The following NECTIN2 variants were observed in gnomAD, a reference collection of about 807,000 sequenced individuals.
NECTIN2 encodes the protein nectin-2.
NECTIN2 carries 23 observed loss-of-function variants against 56.9 expected under a neutral mutation model. That is an observed-to-expected ratio of 0.40 (90% CI 0.29 to 0.57). NECTIN2 has a LOEUF of 0.57. NECTIN2 is among the 20% of genes least tolerant of loss of function. The probability of loss-of-function intolerance (pLI) is 0.38; values close to 1 mark genes in which losing one functional copy is unlikely to be tolerated. For synonymous variants in NECTIN2, 302 were observed against 313.8 expected (o/e 0.96, Z 0.40); for missense variants, 587 against 718.3 (o/e 0.82, Z 2.09).
At chr19:44,885,121 T>C (rs1039665625) in intron 6 of NECTIN2, among the ~76,000 whole-genome samples, 1 of 151,658 alleles carries the variant, frequency 6.6e-6, no homozygotes, top group Non-Finnish European at 1.5e-5. Flanking sequence ...CTCAGCCTCC[T>C]GAGTAGCTGG....
intron 2 of NECTIN2, among the ~76,000 whole-genome samples, chr19:44,870,730 T>C (rs1328487990): frequency 7.2e-6 from 1 of 138,652 alleles, no homozygotes; most frequent in African/African-American, 2.9e-5. Context: ...TTTTTTTTCC[T>C]TTTTTTTTTT....
At chr19:44,857,709 TTG>T (rs746118037) in intron 1 of NECTIN2, among the ~76,000 whole-genome samples, 1 of 147,268 alleles carries the variant, frequency 6.8e-6, no homozygotes. Context: ...GTTTTTGTTT[TTG>T]TTTTTTTTTT....
intron 6 of NECTIN2, among the ~76,000 whole-genome samples, chr19:44,882,783 ATT>A (rs35310219): frequency 0.21 from 24,594 of 119,848 alleles, 2,169 homozygotes; most frequent in African/African-American, 0.28. Context: ...ATCCTACTAC[ATT>A]TTTTTTTTTT....
At position 44,874,548 on chromosome 19, in the gene NECTIN2, T is replaced by C; in HGVS notation, c.1042+70T>C. ...CCCTGGAGTTCTGCCCTTCAGGACTTGGGGCTGCACTGGGGGAGGCTGCGC... is the reference window on the plus strand; with the variant it reads ...CCCTGGAGTTCTGCCCTTCAGGACTCGGGGCTGCACTGGGGGAGGCTGCGC... On this transcript the variant is annotated intron_variant, in intron 5 of 8. Transcript: ENST00000252483. The surrounding 1 kb of genome is among the most constrained non-coding windows in gnomAD (Gnocchi z 6.3). 1 of 1,581,702 alleles carries C rather than the reference T, an allele frequency of 6.3e-7. No homozygotes were observed. The highest frequency in any genetic ancestry group is 1.9e-4 in the Middle Eastern group (1 of 5,274).
At chr19:44,868,865 T>A (rs1192878895) in intron 2 of NECTIN2, among the ~76,000 whole-genome samples, 1 of 151,102 alleles carries the variant, frequency 6.6e-6, no homozygotes, top group Non-Finnish European at 1.5e-5. Flanking sequence ...TGAGCCGAGA[T>A]CGCGCCACTA....
chr19:44,854,432 C>G (rs1300107309), intron 1 of NECTIN2, among the ~76,000 whole-genome samples: 2 of 152,122 alleles, frequency 1.3e-5, no homozygotes. Context: ...TGCTCAGATG[C>G]CATCCTAAAT....
chr19:44,885,089 C>A (rs1042152585), intron 6 of NECTIN2, among the ~76,000 whole-genome samples: 1 of 151,842 alleles, frequency 6.6e-6, no homozygotes, highest in Non-Finnish European at 1.5e-5. Flanking sequence ...CTCCACCTCC[C>A]GGGTTCAAGC....
chr19:44,860,305 G>A (rs971132547), intron 1 of NECTIN2, among the ~76,000 whole-genome samples: 3 of 152,058 alleles, frequency 2.0e-5, no homozygotes, highest in Non-Finnish European at 2.9e-5. Flanking sequence ...CAGGTGGATC[G>A]CTTGAGCTCA....
chr19:44,858,776 G>A (rs143687838), intron 1 of NECTIN2, among the ~76,000 whole-genome samples: 3,211 of 152,022 alleles, frequency 0.021, 112 homozygotes, highest in Admixed American at 0.1. Flanking sequence ...CTGAGTAGCT[G>A]GGATTACAGG....
chr19:44,874,588 G>A lies in NECTIN2; in HGVS notation c.1042+110G>A. On this transcript the variant is annotated intron_variant, in intron 5 of 8. Coordinates refer to ENST00000252483, the MANE Select transcript of NECTIN2 (RefSeq NM_001042724.2). The surrounding 1 kb of genome is among the most constrained non-coding windows in gnomAD (Gnocchi z 6.3). ...GGAGGCTGCGCCGCCGACCTGGGAG[G>A]GATGCAGACCTGCCTGGCTGAGGGG... is the stretch of plus-strand genomic sequence containing the variant. 12 of 1,382,458 alleles carry A rather than the reference G, an allele frequency of 8.7e-6. No homozygotes were observed. The highest frequency in any genetic ancestry group is 1.1e-5 in the Non-Finnish European group (11 of 1,004,936). 85.6% of individuals were successfully genotyped at this position (1,382,458 alleles called of 1,614,324 possible).
Position 44,874,175 on chromosome 19 carries a change from C to G in NECTIN2, c.893+142C>G. ...GGCTGGGCCTAAATTCCTAAGTCCT[C>G]CAGGATGAAGGGAGCTTGCATTTTG... On this transcript the variant is annotated intron_variant, in intron 4 of 8. Transcript: ENST00000252483. This position sits in a 1 kb window ranked among gnomAD's most constrained non-coding sequence, Gnocchi z 6.3. The G allele has an allele frequency of 8.1e-7, 1 of 1,236,600 alleles. No individual in the cohort carries two copies. The highest frequency in any genetic ancestry group is 1.1e-6 in the Non-Finnish European group (1 of 874,350). 76.6% of individuals were successfully genotyped at this position (1,236,600 alleles called of 1,614,324 possible). A position where few individuals can be genotyped will look rare whatever the true frequency, so the allele number is the denominator to read the frequency against.
chr19:44,865,185 T>A lies in NECTIN2; in HGVS notation c.89-86T>A. 1 of 1,415,324 alleles carries A rather than the reference T, an allele frequency of 7.1e-7. No individual in the cohort carries two copies. The highest frequency in any genetic ancestry group is 2.3e-5 in the East Asian group (1 of 43,120). The allele number at this position is 1,415,324 out of a possible 1,614,324, so 87.7% of individuals were successfully genotyped here. A position where few individuals can be genotyped will look rare whatever the true frequency, so the allele number is the denominator to read the frequency against. ...TTGCATGCGGAGCCTGCATTTCCCGTGGGGCCCCCTTCGTGGTGGCCCTGC... is the reference window on the plus strand; with the variant it reads ...TTGCATGCGGAGCCTGCATTTCCCGAGGGGCCCCCTTCGTGGTGGCCCTGC... On this transcript the variant is annotated intron_variant, in intron 1 of 8. Transcript: ENST00000252483. This position sits in a 1 kb window ranked among gnomAD's most constrained non-coding sequence, Gnocchi z 5.2.
In NECTIN2 at chr19:44,875,679, C is replaced by A. The variant is rs1969228899; in HGVS notation, c.1042+1201C>A. 6.6e-6 allele frequency among the ~76,000 whole-genome samples: 1 copy of A among 152,152 alleles called. No individual in the cohort carries two copies. Among genetic ancestry groups the A allele is most frequent in the African/African-American group, 2.4e-5 (1 of 41,432 alleles). On this transcript the variant is annotated intron_variant, in intron 5 of 8. Coordinates refer to ENST00000252483, the MANE Select transcript of NECTIN2 (RefSeq NM_001042724.2). The surrounding 1 kb of genome is among the most constrained non-coding windows in gnomAD (Gnocchi z 4.2). ...TGACTGAAGGTGTAGGGACAAACTC[C>A]CAGACAGGGGCTGTCCCTGTCATGC...
At chr19:44,878,057 C>T (rs950415530) in intron 5 of NECTIN2, among the ~76,000 whole-genome samples, 7 of 137,974 alleles carry the variant, frequency 5.1e-5, no homozygotes, top group Middle Eastern at 4.1e-3. Context: ...CCCTCCTCCT[C>T]CTCCTCCATT....
rs1374588086 is a variant in NECTIN2 at position 44,846,566 on chromosome 19, C to G, written c.41C>G (p.Pro14Arg). 4 of 1,524,248 alleles carry G rather than the reference C, an allele frequency of 2.6e-6. No individual in the cohort carries two copies. The Admixed American group carries it at 7.9e-5, about 30-fold the overall frequency. The allele number at this position is 1,524,248 out of a possible 1,614,324, so 94.4% of individuals were successfully genotyped here. Residue 14 changes from proline to arginine, a missense_variant, in exon 1 of 9, where the codon CCG (proline) becomes CGG (arginine). Pro to Arg is a moderately radical substitution (Grantham distance 103). Coordinates refer to ENST00000252483, the MANE Select transcript of NECTIN2 (RefSeq NM_001042724.2). ...AAALLPSRSP[P>R]TPLLWPLLLL... ...GCCCTCCTGCCGTCGAGATCGCCGC[C>G]GACGCCGCTGCTGTGGCCGCTGCTG...
At chr19:44,864,013 C>CCCCG (rs1969064858) in intron 1 of NECTIN2, among the ~76,000 whole-genome samples, 4 of 7,998 alleles carry the variant, frequency 5.0e-4, no homozygotes, top group African/African-American at 1.1e-3. Context: ...TCAGAGGATT[C>CCCCG]CCCCCCCCCA....
At chr19:44,868,097 C>T (rs1179523644) in intron 2 of NECTIN2, among the ~76,000 whole-genome samples, 2 of 151,902 alleles carry the variant, frequency 1.3e-5, no homozygotes, top group South Asian at 2.1e-4. Flanking sequence ...TGCGGTGGCT[C>T]ACGCCTGTAA....
Position 44,874,292 on chromosome 19 carries a change from C to A in NECTIN2, c.894-38C>A. The A allele has an allele frequency of 6.2e-7, 1 of 1,604,764 alleles. No individual in the cohort carries two copies. The highest frequency in any genetic ancestry group is 8.5e-7 in the Non-Finnish European group (1 of 1,171,626). On this transcript the variant is annotated intron_variant, in intron 4 of 8. Coordinates refer to ENST00000252483, the MANE Select transcript of NECTIN2 (RefSeq NM_001042724.2). The surrounding 1 kb of genome is among the most constrained non-coding windows in gnomAD (Gnocchi z 6.3). ...GATGAGGCCTGTGCTCCCCTCTCGA[C>A]CTTGGTATCCCTCTCACCTGACCCC...
chr19:44,887,015 CAAAA>C (rs113580794), intron 8 of NECTIN2, among the ~76,000 whole-genome samples: 3 of 115,836 alleles, frequency 2.6e-5, no homozygotes, highest in Admixed American at 9.1e-5. Flanking sequence ...GACCCTATCT[CAAAA>C]AAAAAAAAAA....
Sources: gnomAD v4.1 joint callset for allele counts (sites outside exome capture counted in the v4.1 genomes callset) on GRCh38, gnomAD v4.1.1 for gene constraint, Gnocchi (gnomAD v3.1) non-coding constraint, MANE v1.5 for transcripts, NCBI Gene and HGNC (gene_info 2026-07-23, HGNC 2026-07-21) for gene names.